CACNB2: variants seen among roughly 807,000 people sequenced by gnomAD.
CACNB2 encodes calcium voltage-gated channel auxiliary subunit beta 2, also known as voltage-dependent L-type calcium channel subunit beta-2.
CACNB2 carries 42 observed loss-of-function variants against 73.3 expected under a neutral mutation model. That is an observed-to-expected ratio of 0.57 (90% CI 0.45 to 0.74). The LOEUF (loss-of-function observed/expected upper bound fraction) is 0.74, where lower values mean the gene tolerates loss of function less well. Ranked by LOEUF, CACNB2 falls within the 30% of genes least tolerant of loss-of-function variation. CACNB2 has a pLI of 0.00. For synonymous variants in CACNB2, 348 were observed against 310.3 expected (o/e 1.12, Z -1.28); for missense variants, 940 against 853.0 (o/e 1.10, Z -1.27).
intron 10 of CACNB2, chr10:18,533,163 C>T (rs2053232152): frequency 6.6e-6 from 1 of 152,178 alleles, no homozygotes; most frequent in Admixed American, 6.5e-5. Context: ...TCATGGAATT[C>T]AACCTCCACG....
chr10:18,203,270 G>T (rs543600112), intron 2 of CACNB2, among the ~76,000 whole-genome samples: 4 of 152,302 alleles, frequency 2.6e-5, no homozygotes, highest in South Asian at 2.1e-4. Flanking sequence ...TTAAATACCA[G>T]CCAAGCTGTG....
At chr10:18,150,844 A>C (rs1320402172) in intron 1 of CACNB2, 39 bp from the exon 2 acceptor site, 1 of 1,044,288 alleles carries the variant, frequency 9.6e-7, no homozygotes, top group Non-Finnish European at 1.3e-6. Flanking sequence ...TCTCATAATA[A>C]TCTTATTTGT....
At chr10:18,395,017 G>C (rs1426545380) in intron 2 of CACNB2, among the ~76,000 whole-genome samples, 1 of 152,162 alleles carries the variant, frequency 6.6e-6, no homozygotes, top group African/African-American at 2.4e-5. Flanking sequence ...GGCTGAAGGA[G>C]TTTTTCTGGG....
chr10:18,254,601 T>A (rs2037207777), intron 2 of CACNB2, among the ~76,000 whole-genome samples: 2 of 151,922 alleles, frequency 1.3e-5, no homozygotes, highest in Admixed American at 1.3e-4. Context: ...GACACTTTGG[T>A]GAGAAATAAA....
intron 2 of CACNB2, among the ~76,000 whole-genome samples, chr10:18,389,979 T>C (rs114904667): frequency 0.014 from 2,058 of 152,348 alleles, 58 homozygotes; most frequent in African/African-American, 0.046. Flanking sequence ...GTGCCTTTTA[T>C]ATATGCAAAG....
At chr10:18,244,460 A>T (rs2036784899) in intron 2 of CACNB2, among the ~76,000 whole-genome samples, 1 of 152,258 alleles carries the variant, frequency 6.6e-6, no homozygotes, top group Admixed American at 6.5e-5. Flanking sequence ...TCTCTCATAA[A>T]AAAATTGATG....
chr10:18,147,700 T>C (rs1280524245), intron 1 of CACNB2, among the ~76,000 whole-genome samples: 2 of 151,452 alleles, frequency 1.3e-5, no homozygotes, highest in Non-Finnish European at 2.9e-5. Flanking sequence ...GCAAATTAAC[T>C]AAAACAATTA....
intron 2 of CACNB2, among the ~76,000 whole-genome samples, chr10:18,304,375 C>G (rs2039646838): frequency 6.6e-6 from 1 of 152,130 alleles, no homozygotes; most frequent in Admixed American, 6.6e-5. Flanking sequence ...TTTATACCAC[C>G]TAAGAGTTGT....
chr10:18,432,984 T>C (rs1386882808), intron 3 of CACNB2, among the ~76,000 whole-genome samples: 3 of 152,362 alleles, frequency 2.0e-5, no homozygotes, highest in East Asian at 3.9e-4. Flanking sequence ...TGGTGTCAGC[T>C]ATCTTTTATG....
chr10:18,451,637 A>G (rs1021038197), intron 3 of CACNB2, among the ~76,000 whole-genome samples: 1 of 152,194 alleles, frequency 6.6e-6, no homozygotes, highest in African/African-American at 2.4e-5. Context: ...CTCCTCTCCC[A>G]GAAGAGAGGA....
At chr10:18,352,002 A>C (rs1386880811) in intron 2 of CACNB2, among the ~76,000 whole-genome samples, 1 of 152,178 alleles carries the variant, frequency 6.6e-6, no homozygotes, top group Admixed American at 6.5e-5. Flanking sequence ...AGTCTCCTAA[A>C]AAGGATGTTT....
chr10:18,375,109 T>C (rs1401027649), intron 2 of CACNB2, among the ~76,000 whole-genome samples: 1 of 152,058 alleles, frequency 6.6e-6, no homozygotes, highest in Non-Finnish European at 1.5e-5. Context: ...TCCCAGCTAC[T>C]CGGGAGGCAG....
At chr10:18,208,603 C>A (rs936568903) in intron 2 of CACNB2, among the ~76,000 whole-genome samples, 1 of 151,914 alleles carries the variant, frequency 6.6e-6, no homozygotes, top group African/African-American at 2.4e-5. Flanking sequence ...CAGAGTGAGA[C>A]CCTGTCTCAA....
intron 2 of CACNB2, among the ~76,000 whole-genome samples, chr10:18,245,907 G>C (rs1260761277): frequency 6.6e-6 from 1 of 152,206 alleles, no homozygotes; most frequent in Non-Finnish European, 1.5e-5. Context: ...TTAATCAGGA[G>C]TTGGGAAGCA....
chr10:18,202,047 C>T (rs946146918), intron 2 of CACNB2, among the ~76,000 whole-genome samples: 1 of 152,164 alleles, frequency 6.6e-6, no homozygotes, highest in African/African-American at 2.4e-5. Context: ...TGCCCTTTCA[C>T]CAACATTTTA....
chr10:18,425,946 C>G (rs1484351314), intron 3 of CACNB2, among the ~76,000 whole-genome samples: 1 of 152,088 alleles, frequency 6.6e-6, no homozygotes, highest in East Asian at 1.9e-4. Flanking sequence ...ATGAGTAGGT[C>G]TGTATCTGAG....
intron 10 of CACNB2, among the ~76,000 whole-genome samples, chr10:18,529,902 A>C (rs1387215996): frequency 6.6e-6 from 1 of 152,230 alleles, no homozygotes; most frequent in Non-Finnish European, 1.5e-5. Context: ...GGGTAAAGTA[A>C]AGAGGTTTAA....
At chr10:18,470,770 C>T (rs117141756) in intron 3 of CACNB2, among the ~76,000 whole-genome samples, 2,528 of 152,194 alleles carry the variant, frequency 0.017, 42 homozygotes, top group Middle Eastern at 0.044. Flanking sequence ...ATGTTTGTTG[C>T]AATCTTTCTC....
chr10:18,518,155 T>A (rs376819729), intron 7 of CACNB2, among the ~76,000 whole-genome samples, 181 bp from the exon 8 acceptor site: 17 of 152,288 alleles, frequency 1.1e-4, no homozygotes, highest in African/African-American at 4.1e-4. Flanking sequence ...ACTTGAAACT[T>A]CAGGAAAATG....
Sources: allele counts gnomAD v4.1 joint callset (sites outside exome capture counted in the v4.1 genomes callset), GRCh38; gene constraint gnomAD v4.1.1; transcripts MANE v1.5; gene names NCBI Gene and HGNC (gene_info 2026-07-23, HGNC 2026-07-21).